The following ZNF704 variants were observed in gnomAD, a reference collection of about 807,000 sequenced individuals.
ZNF704 encodes the protein zinc finger protein 704.
Under a neutral mutation model 44.7 loss-of-function variants are expected in ZNF704, and 10 were observed. That is an observed-to-expected ratio of 0.22 (90% CI 0.14 to 0.38). ZNF704 has a LOEUF of 0.38. ZNF704 is among the 10% of genes least tolerant of loss of function. ZNF704 has a pLI of 1.00. For synonymous variants in ZNF704, 211 were observed against 207.6 expected, an observed-to-expected ratio of 1.02 and a Z score of -0.14; for missense variants, 390 against 545.5, an observed-to-expected ratio of 0.71 and a Z score of 2.84.
At chr8:80,735,314 A>G (rs921683449) in intron 2 of ZNF704, among the ~76,000 whole-genome samples, 7 of 152,192 alleles carry the variant, frequency 4.6e-5, no homozygotes, top group Admixed American at 1.3e-4. Context: ...TTATTTATGA[A>G]GATCAAATGC....
intron 2 of ZNF704, among the ~76,000 whole-genome samples, chr8:80,705,447 G>T (rs1818881030): frequency 6.6e-6 from 1 of 151,548 alleles, no homozygotes; most frequent in South Asian, 2.1e-4. Flanking sequence ...GATGTCCTGG[G>T]TGTGTGTCTC....
chr8:80,667,581 CTT>C (rs1053928851), intron 5 of ZNF704, among the ~76,000 whole-genome samples: 1 of 152,202 alleles, frequency 6.6e-6, no homozygotes, highest in Non-Finnish European at 1.5e-5. Context: ...TGTTAAACCT[CTT>C]TGTCGCTTCA....
chr8:80,745,695 T>C (rs2131698675), intron 2 of ZNF704, among the ~76,000 whole-genome samples: 1 of 152,350 alleles, frequency 6.6e-6, no homozygotes, highest in African/African-American at 2.4e-5. Flanking sequence ...TCCTCTGCAA[T>C]TCCTCTTTCT....
upstream of ZNF704, among the ~76,000 whole-genome samples, chr8:80,875,519 G>T (rs917003122): frequency 1.3e-5 from 2 of 152,150 alleles, no homozygotes; most frequent in African/African-American, 4.8e-5. Context: ...GGCCAGGCTG[G>T]TCTCAAACTC....
intron 2 of ZNF704, among the ~76,000 whole-genome samples, chr8:80,700,454 T>A (rs758007241): frequency 6.6e-6 from 1 of 152,230 alleles, no homozygotes; most frequent in African/African-American, 2.4e-5. Flanking sequence ...CTTAGAGGGT[T>A]TGGAAGAGTT....
intron 1 of ZNF704, among the ~76,000 whole-genome samples, chr8:80,846,362 C>T (rs1182242823): frequency 1.3e-5 from 2 of 151,436 alleles, no homozygotes; most frequent in Non-Finnish European, 2.9e-5. Context: ...ACATTCCAGA[C>T]TTATTGAGTA....
intron 3 of ZNF704, among the ~76,000 whole-genome samples, 182 bp downstream of exon 3, chr8:80,692,822 G>A (rs931100963): frequency 4.6e-5 from 7 of 152,118 alleles, no homozygotes; most frequent in African/African-American, 1.7e-4. Flanking sequence ...TGGGCTCCCT[G>A]GGAAGATGAA....
chr8:80,675,843 G>A (rs1458492439), intron 4 of ZNF704, among the ~76,000 whole-genome samples: 1 of 152,142 alleles, frequency 6.6e-6, no homozygotes, highest in Non-Finnish European at 1.5e-5. Flanking sequence ...GAGAGTCAGG[G>A]ATAGAGATAT....
At chr8:80,759,033 C>A (rs1044123243) in intron 2 of ZNF704, among the ~76,000 whole-genome samples, 3 of 152,168 alleles carry the variant, frequency 2.0e-5, no homozygotes, top group Admixed American at 2.0e-4. Flanking sequence ...TGAACTGGTA[C>A]ACTATACTGC....
At chr8:80,713,734 T>C (rs781257052) in intron 2 of ZNF704, among the ~76,000 whole-genome samples, 14 of 152,240 alleles carry the variant, frequency 9.2e-5, no homozygotes, top group Non-Finnish European at 1.9e-4. Flanking sequence ...CATTTCTTTT[T>C]ATAGCAATTA....
At chr8:80,734,813 T>C (rs1806640763) in intron 2 of ZNF704, among the ~76,000 whole-genome samples, 3 of 152,258 alleles carry the variant, frequency 2.0e-5, no homozygotes, top group Admixed American at 6.5e-5. Flanking sequence ...ATCGTCACTA[T>C]CTATTTATGG....
At chr8:80,697,713 C>G (rs1433708523) in intron 2 of ZNF704, among the ~76,000 whole-genome samples, 2 of 152,200 alleles carry the variant, frequency 1.3e-5, no homozygotes, top group Non-Finnish European at 2.9e-5. Flanking sequence ...CCAGCATGAG[C>G]CTCAGCCACA....
chr8:80,744,142 T>A (rs577663500), intron 2 of ZNF704, among the ~76,000 whole-genome samples: 79 of 152,332 alleles, frequency 5.2e-4, no homozygotes, highest in African/African-American at 1.8e-3. Flanking sequence ...TTAATATTTT[T>A]AAAATACTGA....
intron 1 of ZNF704, among the ~76,000 whole-genome samples, chr8:80,861,539 A>C (rs1478503690): frequency 6.6e-6 from 1 of 152,174 alleles, no homozygotes; most frequent in Non-Finnish European, 1.5e-5. Flanking sequence ...GAATATACTA[A>C]AGAACACTCA....
chr8:80,737,619 T>G (rs1312619143), intron 2 of ZNF704, among the ~76,000 whole-genome samples: 1 of 152,190 alleles, frequency 6.6e-6, no homozygotes, highest in African/African-American at 2.4e-5. Context: ...AGGCAATCTC[T>G]CTATCTTTTG....
At chr8:80,838,091 G>A (rs1713530225) in intron 1 of ZNF704, among the ~76,000 whole-genome samples, 1 of 152,062 alleles carries the variant, frequency 6.6e-6, no homozygotes, top group African/African-American at 2.4e-5. Context: ...ACTCTACTCT[G>A]AGCTCCCCAT....
chr8:80,652,077 T>C (rs932161816), intron 7 of ZNF704, among the ~76,000 whole-genome samples: 9 of 152,136 alleles, frequency 5.9e-5, no homozygotes, highest in African/African-American at 2.2e-4. Flanking sequence ...ACTGGGTACA[T>C]CACGAAATGA....
chr8:80,781,432 T>C (rs548096642), intron 2 of ZNF704, among the ~76,000 whole-genome samples: 8 of 152,340 alleles, frequency 5.3e-5, no homozygotes, highest in South Asian at 2.1e-4. Flanking sequence ...AAATTTGAAT[T>C]TCATATAATT....
intron 4 of ZNF704, among the ~76,000 whole-genome samples, chr8:80,673,847 C>T (rs1027420414): frequency 3.3e-4 from 51 of 152,248 alleles, no homozygotes; most frequent in African/African-American, 1.1e-3. Flanking sequence ...TTACCAACCA[C>T]GGAAGGAGCC....
Sources: allele counts gnomAD v4.1 joint callset (sites outside exome capture counted in the v4.1 genomes callset), GRCh38; gene constraint gnomAD v4.1.1; transcripts MANE v1.5; gene names NCBI Gene and HGNC (gene_info 2026-07-23, HGNC 2026-07-21).